METTL25: variants seen among roughly 807,000 people sequenced by gnomAD.
METTL25 encodes methyltransferase like 25.
METTL25 carries 64 observed loss-of-function variants against 71.6 expected under a neutral mutation model. That is an observed-to-expected ratio of 0.89 (90% CI 0.73 to 1.10). The LOEUF is 1.10. METTL25 is among the 50% of genes least tolerant of loss of function. METTL25 has a pLI of 0.00. For missense variants in METTL25, 807 were observed against 707.0 expected, an observed-to-expected ratio of 1.14 and a Z score of -1.60; for synonymous variants, 287 against 250.3, an observed-to-expected ratio of 1.15 and a Z score of -1.38.
rs753737511 is a variant in METTL25 at position 82,358,721 on chromosome 12, C to CT, written c.158dup (p.Leu53PhefsTer38). 2.5e-6 allele frequency: 4 copies of CT among 1,614,058 alleles called. No homozygotes were observed. The highest frequency in any genetic ancestry group is 3.4e-6 in the Non-Finnish European group (4 of 1,180,052). On this transcript the variant is annotated frameshift_variant, in exon 1 of 12. Coordinates refer to ENST00000248306, the MANE Select transcript of METTL25 (RefSeq NM_032230.3). LOFTEE classifies it high-confidence loss of function. ...AATCCGTGTGGGAGGAGCTGGTCGA[C>CT]TTGCCACCGGAGACAGTGCTGGCTG...
intron 1 of METTL25, among the ~76,000 whole-genome samples, chr12:82,364,053 T>C (rs1882279570): frequency 6.6e-6 from 1 of 152,218 alleles, no homozygotes; most frequent in Non-Finnish European, 1.5e-5. Context: ...CACACAATTG[T>C]ATTAATGTTA....
chr12:82,438,529 AG>A (rs376276005), intron 7 of METTL25, 188 bp from the exon 8 acceptor site: 1 of 277,234 alleles, frequency 3.6e-6, no homozygotes, highest in Non-Finnish European at 6.7e-6. Context: ...TTTTTTTTTC[AG>A]AATTACTTTC....
At chr12:82,398,135 G>T (rs10735455) in intron 3 of METTL25, among the ~76,000 whole-genome samples, 1 of 151,824 alleles carries the variant, frequency 6.6e-6, no homozygotes, top group Non-Finnish European at 1.5e-5. Flanking sequence ...TTTTTATGCA[G>T]TGTTTTATAG....
At chr12:82,440,698 G>A (rs1025514475) in intron 8 of METTL25, among the ~76,000 whole-genome samples, 7 of 152,064 alleles carry the variant, frequency 4.6e-5, no homozygotes, top group Non-Finnish European at 7.4e-5. Context: ...AAAACCAAAC[G>A]AAATGATTGA....
chr12:82,443,709 A>G (rs1468877310), intron 8 of METTL25, among the ~76,000 whole-genome samples: 1 of 152,166 alleles, frequency 6.6e-6, no homozygotes, highest in Non-Finnish European at 1.5e-5. Flanking sequence ...ACAGAAGGCA[A>G]AGTATAGACA....
At chr12:82,434,382 A>G (rs2137162643) in intron 6 of METTL25, among the ~76,000 whole-genome samples, 1 of 151,620 alleles carries the variant, frequency 6.6e-6, no homozygotes, top group African/African-American at 2.4e-5. Context: ...AAAATGAACC[A>G]AGACTATGTC....
Position 82,479,087 on chromosome 12 carries a change from C to G in METTL25, c.*63C>G. 1 of 1,392,696 alleles carries G rather than the reference C, an allele frequency of 7.2e-7. No homozygotes were observed. Among genetic ancestry groups the G allele is most frequent in the Non-Finnish European group, 1.0e-6 (1 of 983,282 alleles). The allele number at this position is 1,392,696 out of a possible 1,614,324, so 86.3% of individuals were successfully genotyped here. A position where few individuals can be genotyped will look rare whatever the true frequency, so the allele number is the denominator to read the frequency against. ...GAGACCTGTTGCTGAGATTGCTTTT[C>G]TAAACATATATGTCCTGTTATACAA... On this transcript the variant is annotated 3_prime_UTR_variant, in exon 12 of 12. Coordinates refer to ENST00000248306, the MANE Select transcript of METTL25 (RefSeq NM_032230.3).
chr12:82,381,294 A>G (rs1209757231), intron 1 of METTL25, among the ~76,000 whole-genome samples: 1 of 152,102 alleles, frequency 6.6e-6, no homozygotes, highest in African/African-American at 2.4e-5. Context: ...ACATTTTTCT[A>G]TTTTTACATT....
At chr12:82,397,768 G>A (rs932342263) in intron 3 of METTL25, among the ~76,000 whole-genome samples, 1 of 151,602 alleles carries the variant, frequency 6.6e-6, no homozygotes, top group Non-Finnish European at 1.5e-5. Flanking sequence ...ATCTATTTCT[G>A]TACTGTTTTT....
intron 1 of METTL25, among the ~76,000 whole-genome samples, chr12:82,374,464 T>G (rs1325365644): frequency 6.6e-6 from 1 of 152,204 alleles, no homozygotes; most frequent in Non-Finnish European, 1.5e-5. Flanking sequence ...ATTGGTGCGT[T>G]TACAGTCCTG....
intron 1 of METTL25, among the ~76,000 whole-genome samples, chr12:82,367,706 GA>G (rs1882720082): frequency 6.6e-6 from 1 of 152,066 alleles, no homozygotes; most frequent in Non-Finnish European, 1.5e-5. Context: ...CCGTAGTTCT[GA>G]TCTTGTCATT....
intron 8 of METTL25, among the ~76,000 whole-genome samples, chr12:82,440,302 A>G (rs1890222024): frequency 6.6e-6 from 1 of 151,968 alleles, no homozygotes; most frequent in African/African-American, 2.4e-5. Context: ...TCTCTTTTTC[A>G]GAAGTCCACA....
chr12:82,437,870 G>T (rs1890033256), intron 7 of METTL25, among the ~76,000 whole-genome samples: 12 of 151,662 alleles, frequency 7.9e-5, no homozygotes, highest in Admixed American at 7.2e-4. Context: ...TGCAAGCTGG[G>T]TTGTTGTTGC....
rs998646974 is a variant in METTL25 at position 82,474,489 on chromosome 12, T to A, written c.1573-2155T>A. The A allele has an allele frequency of 2.6e-5, 4 of 152,244 alleles. 1 individual carries two copies. Among genetic ancestry groups the A allele is most frequent in the Admixed American group, 1.3e-4 (2 of 15,286 alleles). The allele number at this position is 152,244 out of a possible 1,614,324, so 9.4% of individuals were successfully genotyped here. A position where few individuals can be genotyped will look rare whatever the true frequency, so the allele number is the denominator to read the frequency against. ...GCTAATGTCACTTTGCGTTGTTATT[T>A]TTTTTTTCCAGGTATTTCTGGTCTG... On this transcript the variant is annotated intron_variant, in intron 9 of 11. Transcript: ENST00000248306.
At chr12:82,453,925 T>C (rs1891313484) in intron 8 of METTL25, among the ~76,000 whole-genome samples, 1 of 152,130 alleles carries the variant, frequency 6.6e-6, no homozygotes, top group Non-Finnish European at 1.5e-5. Context: ...ATTAAAGTAG[T>C]AGTCTCAAAC....
At chr12:82,368,290 C>T (rs1213569545) in intron 1 of METTL25, among the ~76,000 whole-genome samples, 1 of 152,184 alleles carries the variant, frequency 6.6e-6, no homozygotes, top group East Asian at 1.9e-4. Flanking sequence ...CTTAGAAACA[C>T]ATCTCATTTA....
chr12:82,466,560 A>T (rs995448438), intron 9 of METTL25, among the ~76,000 whole-genome samples: 1 of 152,020 alleles, frequency 6.6e-6, no homozygotes, highest in African/African-American at 2.4e-5. Context: ...AAGAATGTGT[A>T]TTCTGCAGCT....
intron 5 of METTL25, among the ~76,000 whole-genome samples, chr12:82,407,451 G>C (rs1482626051): frequency 6.6e-6 from 1 of 152,100 alleles, no homozygotes; most frequent in Admixed American, 6.6e-5. Context: ...CCTCCCTATA[G>C]GAATAGTAAA....
At chr12:82,385,307 T>A (rs1329241366) in intron 1 of METTL25, among the ~76,000 whole-genome samples, 1 of 152,158 alleles carries the variant, frequency 6.6e-6, no homozygotes, top group Non-Finnish European at 1.5e-5. Flanking sequence ...AACATCACTA[T>A]TTTTTGTGTT....
Sources: allele counts gnomAD v4.1 joint callset (sites outside exome capture counted in the v4.1 genomes callset), GRCh38; gene constraint gnomAD v4.1.1; transcripts MANE v1.5; gene names NCBI Gene and HGNC (gene_info 2026-07-23, HGNC 2026-07-21).